Variants in FUT8 observed in about 807,000 individuals in gnomAD.
FUT8 encodes alpha-(1,6)-fucosyltransferase.
A neutral mutation model predicts 71.3 loss-of-function variants in FUT8; 29 were observed. The ratio of observed to expected loss-of-function variants is 0.41; its 90% CI spans 0.30 to 0.55. The LOEUF (loss-of-function observed/expected upper bound fraction) is 0.55. Ranked by LOEUF, FUT8 falls within the 20% of genes least tolerant of loss-of-function variation. The pLI is 0.34. For synonymous variants in FUT8, 254 were observed against 239.3 expected (o/e 1.06, Z -0.57); for missense variants, 544 against 702.1 (o/e 0.77, Z 2.55).
intron 7 of FUT8, among the ~76,000 whole-genome samples, chr14:65,717,184 G>A (rs1298033817): frequency 3.2e-5 from 4 of 125,182 alleles, no homozygotes; most frequent in East Asian, 5.1e-4. Context: ...CCTCCCAGAC[G>A]GGGCGGCCGG....
At chr14:65,461,715 T>C (rs1446837916) in intron 2 of FUT8, among the ~76,000 whole-genome samples, 1 of 152,204 alleles carries the variant, frequency 6.6e-6, no homozygotes, top group Non-Finnish European at 1.5e-5. Context: ...GTCCTGCTGC[T>C]TGCTGCATAG....
intron 7 of FUT8, among the ~76,000 whole-genome samples, chr14:65,716,259 C>T (rs560826783): frequency 3.3e-5 from 5 of 152,066 alleles, no homozygotes; most frequent in South Asian, 2.1e-4. Context: ...CTACCTCTCT[C>T]GTTAGCTGTA....
intron 3 of FUT8, among the ~76,000 whole-genome samples, chr14:65,576,696 CTTTTTTTTTTTT>C (rs376473739): frequency 1.6e-4 from 15 of 96,204 alleles, no homozygotes; most frequent in Admixed American, 3.3e-4. Context: ...GCCCAGCTTG[CTTTTTTTTTTTT>C]TTTTTTTTTT....
intron 1 of FUT8, among the ~76,000 whole-genome samples, chr14:65,452,349 C>T (rs2065840095): frequency 6.6e-6 from 1 of 152,132 alleles, no homozygotes; most frequent in African/African-American, 2.4e-5. Context: ...AATGAAACCA[C>T]AGTTCTCAAG....
intron 7 of FUT8, among the ~76,000 whole-genome samples, chr14:65,716,510 T>C (rs968516025): frequency 1.3e-5 from 2 of 151,928 alleles, no homozygotes; most frequent in East Asian, 1.9e-4. Flanking sequence ...TAACCCTGAG[T>C]TGACACAGCA....
rs139003133 is a variant in FUT8, at chr14:65,710,427, CAT to C, written c.836-11346_836-11345del. Among the ~76,000 whole-genome samples the C allele has an allele frequency of 8.0e-3, 1,225 of 152,250 alleles. 19 individuals are homozygous for C. The highest frequency in any genetic ancestry group is 0.028 in the African/African-American group (1,173 of 41,536). ...ATCAAGTAAAAGAAGGGCTTTCTAA[CAT>C]AGCATGTACTATGTTATTTTCTTTC... On this transcript the variant is annotated intron_variant, in intron 7 of 10. Coordinates refer to ENST00000673929, the MANE Select transcript of FUT8 (RefSeq NM_001371533.1).
intron 3 of FUT8, among the ~76,000 whole-genome samples, chr14:65,602,973 C>G (rs1356148052): frequency 6.6e-6 from 1 of 151,734 alleles, no homozygotes; most frequent in Admixed American, 6.6e-5. Flanking sequence ...GCTGACTGTT[C>G]CTTTTGCTGT....
At chr14:65,407,896 T>C (rs891806591), upstream of FUT8, among the ~76,000 whole-genome samples, 4 of 152,204 alleles carry the variant, frequency 2.6e-5, no homozygotes, top group African/African-American at 9.7e-5. Flanking sequence ...GGGTTACAGG[T>C]TGACTTGCTC....
At chr14:65,645,508 G>C (rs1291157108) in intron 6 of FUT8, among the ~76,000 whole-genome samples, 5 of 152,076 alleles carry the variant, frequency 3.3e-5, no homozygotes, top group Non-Finnish European at 5.9e-5. Flanking sequence ...TTAAAATGTT[G>C]TTTTTAAATT....
chr14:65,676,155 T>G (rs1367162724), intron 7 of FUT8, among the ~76,000 whole-genome samples: 2 of 152,196 alleles, frequency 1.3e-5, no homozygotes, highest in African/African-American at 4.8e-5. Context: ...AGAATGAATC[T>G]TTTAAGCAAT....
intron 6 of FUT8, among the ~76,000 whole-genome samples, chr14:65,642,384 C>T (rs1465703541): frequency 6.6e-6 from 1 of 152,128 alleles, no homozygotes; most frequent in Non-Finnish European, 1.5e-5. Context: ...GGGTGGATCA[C>T]TTGAGGCCAA....
At chr14:65,507,439 C>G (rs1217214232) in intron 2 of FUT8, among the ~76,000 whole-genome samples, 1 of 152,108 alleles carries the variant, frequency 6.6e-6, no homozygotes, top group Non-Finnish European at 1.5e-5. Flanking sequence ...ATTAACCATC[C>G]CCACCTCTCC....
the FUT8 span, among the ~76,000 whole-genome samples, chr14:65,362,741 TCA>T: frequency 6.6e-6 from 1 of 151,878 alleles, no homozygotes; most frequent in Non-Finnish European, 1.5e-5. Context: ...GGCGGGTGAA[TCA>T]CAAGGTCAGG....
chr14:65,407,054 G>A (rs1301821017), upstream of FUT8, among the ~76,000 whole-genome samples: 2 of 152,126 alleles, frequency 1.3e-5, no homozygotes, highest in Non-Finnish European at 2.9e-5. Flanking sequence ...TTGCAGACTC[G>A]GTTCATCTGG....
At chr14:65,474,291 T>G (rs1396256999) in intron 2 of FUT8, among the ~76,000 whole-genome samples, 1 of 151,336 alleles carries the variant, frequency 6.6e-6, no homozygotes, top group Non-Finnish European at 1.5e-5. Context: ...CAAAAGCTAT[T>G]GAAATAAAAA....
At chr14:65,601,993 T>C (rs1888312161) in intron 3 of FUT8, among the ~76,000 whole-genome samples, 1 of 152,018 alleles carries the variant, frequency 6.6e-6, no homozygotes, top group Non-Finnish European at 1.5e-5. Flanking sequence ...ATTTTTTTTA[T>C]ATCCGTAAGT....
chr14:65,500,342 CG>C (rs1487738359), intron 2 of FUT8, among the ~76,000 whole-genome samples: 1 of 152,034 alleles, frequency 6.6e-6, no homozygotes, highest in East Asian at 1.9e-4. Context: ...GCATCATCGT[CG>C]TCATCATTGT....
rs540731734 is a variant in FUT8 at position 65,607,935 on chromosome 14, C to G, written c.204-8043C>G. On this transcript the variant is annotated intron_variant, in intron 3 of 10. Transcript: ENST00000673929. This position sits in a 1 kb window ranked among gnomAD's most constrained non-coding sequence, Gnocchi z 4.1. ...AAAAAATTAGCTGGGTGTGGCGGCG[C>G]ATGCCTGTAATCCCAGCTACTTGGG... is the stretch of plus-strand genomic sequence containing the variant. Among the ~76,000 whole-genome samples the G allele has an allele frequency of 6.6e-6, 1 of 151,618 alleles. No individual in the cohort carries two copies. The highest frequency in any genetic ancestry group is 1.5e-5 in the Non-Finnish European group (1 of 67,824).
chr14:65,475,189 G>A (rs996810014), intron 2 of FUT8, among the ~76,000 whole-genome samples: 5 of 152,066 alleles, frequency 3.3e-5, no homozygotes, highest in African/African-American at 7.2e-5. Flanking sequence ...TAACGACCCT[G>A]CCTTTAGGAA....
Sources: allele counts gnomAD v4.1 joint callset (sites outside exome capture counted in the v4.1 genomes callset), GRCh38; gene constraint gnomAD v4.1.1; non-coding constraint Gnocchi (gnomAD v3.1); transcripts MANE v1.5; gene names NCBI Gene and HGNC (gene_info 2026-07-23, HGNC 2026-07-21).